The following FKBP9 variants were observed in gnomAD, a reference collection of about 807,000 sequenced individuals.
The protein encoded by FKBP9 is peptidyl-prolyl cis-trans isomerase FKBP9.
In FKBP9, 27 loss-of-function variants were observed where a neutral mutation model predicts 55.6. That is an observed-to-expected ratio of 0.49 (90% CI 0.36 to 0.67). The LOEUF (loss-of-function observed/expected upper bound fraction) is 0.67. Among genes scored for constraint, FKBP9 ranks in the 30% least tolerant of loss-of-function variants. The pLI is 0.00. For synonymous variants in FKBP9, 267 were observed against 296.5 expected (o/e 0.90, Z 1.02); for missense variants, 539 against 742.8 (o/e 0.73, Z 3.19).
intron 1 of FKBP9, 152 bp from the exon 2 acceptor site, chr7:32,974,465 T>G (rs1784320830): frequency 1.2e-5 from 7 of 604,782 alleles, no homozygotes; most frequent in Non-Finnish European, 2.1e-5. Context: ...TACTGTCCAG[T>G]GGAGATGTTC....
chr7:32,965,836 T>TGTGTACAC (rs1784132368), intron 1 of FKBP9, among the ~76,000 whole-genome samples: 5 of 54,362 alleles, frequency 9.2e-5, no homozygotes, highest in Non-Finnish European at 1.0e-4. Context: ...TATATATATA[T>TGTGTACAC]ATATATATGT....
In FKBP9 at chr7:33,000,243, A is replaced by G. The variant is rs762324524; in HGVS notation, c.1355A>G (p.Tyr452Cys). The G allele has an allele frequency of 6.8e-6, 11 of 1,611,530 alleles. No homozygotes were observed. The highest frequency in any genetic ancestry group is 8.5e-6 in the Non-Finnish European group (10 of 1,178,166). Residue 452 changes from tyrosine to cysteine, a missense_variant, in exon 8 of 10, where the codon TAT (tyrosine) becomes TGT (cysteine). This residue lies in a region of FKBP9 where 102 missense variants were observed against 200.7 expected (regional missense o/e 0.51). Coordinates refer to ENST00000242209, the MANE Select transcript of FKBP9 (RefSeq NM_007270.5). The stretch of plus-strand genomic sequence containing the variant: ...GTGATCATTCCGCCTCACCTGGGCT[A>G]TGGGGAAGCTGGCGTGGGTGAGTAA... The part of the protein sequence containing the change: ...RTVIIPPHLG[Y>C]GEAGVDGEVP...
chr7:33,005,038 C>T (rs1256304030), intron 9 of FKBP9, 137 bp from the exon 10 acceptor site: 4 of 1,422,480 alleles, frequency 2.8e-6, no homozygotes, highest in Non-Finnish European at 3.8e-6. Context: ...CATATAGCTG[C>T]CAAAAAGATC....
intron 1 of FKBP9, among the ~76,000 whole-genome samples, chr7:32,971,860 G>T (rs375452841): frequency 2.0e-5 from 3 of 152,226 alleles, no homozygotes; most frequent in African/African-American, 2.4e-5. Flanking sequence ...CCACCTTGAA[G>T]TATTGTATGA....
chr7:32,995,143 T>A (rs1292999965), intron 6 of FKBP9: 1 of 152,018 alleles, frequency 6.6e-6, no homozygotes, highest in Non-Finnish European at 1.5e-5. Flanking sequence ...GCTAATTTTT[T>A]TGTAGAGACA....
At chr7:32,972,752 C>G (rs1583847086) in intron 1 of FKBP9, among the ~76,000 whole-genome samples, 1 of 152,110 alleles carries the variant, frequency 6.6e-6, no homozygotes, top group East Asian at 1.9e-4. Context: ...AAGTTTCACT[C>G]TGTCACCCAG....
chr7:32,957,710 A>T lies in FKBP9; in HGVS notation c.137A>T (p.Glu46Val), dbSNP rs754872093. The T allele has an allele frequency of 1.9e-6, 3 of 1,544,432 alleles. No individual in the cohort carries two copies. Among genetic ancestry groups the T allele is most frequent in the Non-Finnish European group, 2.6e-6 (3 of 1,154,150 alleles). Residue 46 changes from glutamate to valine, a missense_variant, in exon 1 of 10, where the codon GAG becomes GTG. By Grantham distance (121) the Glu-to-Val change is moderately radical (BLOSUM62 -2). This residue lies in a region of FKBP9 where 236 missense variants were observed against 271.5 expected (regional missense o/e 0.87). Transcript: ENST00000242209. ...LQIERRFVPD[E>V]CPRTVRSGDF... ...ATCGAGCGGCGCTTCGTGCCCGACG[A>T]GTGCCCGCGCACCGTGCGCAGCGGC...
At chr7:32,992,126 CTTG>C (rs1784695738) in intron 6 of FKBP9, among the ~76,000 whole-genome samples, 1 of 152,068 alleles carries the variant, frequency 6.6e-6, no homozygotes, top group African/African-American at 2.4e-5. Context: ...TAGGTAGTGA[CTTG>C]TTGATACCCA....
intron 1 of FKBP9, among the ~76,000 whole-genome samples, chr7:32,965,866 T>TATGTGTAC (rs70989913): frequency 1.0e-5 from 1 of 97,520 alleles, no homozygotes; most frequent in Non-Finnish European, 1.9e-5. Context: ...TATATATATA[T>TATGTGTAC]ACATACATAT....
chr7:32,966,113 A>G (rs1784141875), intron 1 of FKBP9, among the ~76,000 whole-genome samples: 1 of 144,518 alleles, frequency 6.9e-6, no homozygotes, highest in Non-Finnish European at 1.5e-5. Flanking sequence ...GAATTGCTTG[A>G]ACATGAGAAG....
rs1325814906 is a variant in FKBP9, at chr7:32,957,649, C to T, written c.76C>T (p.Pro26Ser). The change falls in exon 1 of 10, where the codon CCC becomes TCC. Residue 26 changes from proline (P) to serine (S), a missense_variant. Transcript: ENST00000242209. The stretch of plus-strand genomic sequence containing the variant: ...GCTCTGGGTGACCGGGCAGGCAGCG[C>T]CCGTGGCGGGCCTGGGCTCCGACGC... ...LLLWVTGQAAPVAGLGSDAEL... is the reference protein window; with the variant it reads ...LLLWVTGQAASVAGLGSDAEL... The T allele has an allele frequency of 6.6e-7, 1 of 1,503,822 alleles. No individual in the cohort carries two copies. The allele number at this position is 1,503,822 out of a possible 1,614,324, so 93.2% of individuals were successfully genotyped here. A position where few individuals can be genotyped will look rare whatever the true frequency, so the allele number is the denominator to read the frequency against.
chr7:33,005,909 A>T lies in FKBP9; in HGVS notation c.*558A>T, dbSNP rs1785030335. 1 of 232,436 alleles carries T rather than the reference A, an allele frequency of 4.3e-6. No individual in the cohort carries two copies. The highest frequency in any genetic ancestry group is 5.6e-5 in the Admixed American group (1 of 17,812). 14.4% of individuals were successfully genotyped at this position (232,436 alleles called of 1,614,324 possible). ...CCCACCCCCGCACACGCACACGCAC[A>T]TCATGCTTTTCCAGCTCATCACACC... is the stretch of plus-strand genomic sequence containing the variant. On this transcript the variant is annotated 3_prime_UTR_variant, in exon 10 of 10. Transcript: ENST00000242209.
rs573563284 is a variant in FKBP9, at chr7:32,960,515, G to A, written c.221+2721G>A. Among the ~76,000 whole-genome samples, 7 of 152,308 alleles carry A rather than the reference G, an allele frequency of 4.6e-5. No homozygotes were observed. The South Asian group carries it at 1.0e-3, about 23-fold the overall frequency. On this transcript the variant is annotated intron_variant, in intron 1 of 9. Transcript: ENST00000242209. Reference sequence around the variant, plus strand: ...GCTAACGATGTTGAGCATCATATGCGTATTGACCATTTGTGTATCTTCTTT... The same window carrying A: ...GCTAACGATGTTGAGCATCATATGCATATTGACCATTTGTGTATCTTCTTT...
chr7:32,977,738 G>T (rs987980838), intron 4 of FKBP9, among the ~76,000 whole-genome samples: 5 of 150,386 alleles, frequency 3.3e-5, no homozygotes, highest in African/African-American at 1.2e-4. Context: ...AGCAGGAGCA[G>T]AAGGGAGCCT....
chr7:32,977,756 T>A (rs569381665), intron 4 of FKBP9, among the ~76,000 whole-genome samples: 2 of 149,372 alleles, frequency 1.3e-5, no homozygotes. Context: ...CCTGAGGTGA[T>A]GGGGCTCAGC....
At chr7:33,003,962 C>A (rs1417218928) in intron 9 of FKBP9, among the ~76,000 whole-genome samples, 1 of 151,892 alleles carries the variant, frequency 6.6e-6, no homozygotes, top group African/African-American at 2.4e-5. Flanking sequence ...ATTTATGGAA[C>A]CCCTGCTATC....
intron 4 of FKBP9, among the ~76,000 whole-genome samples, chr7:32,980,104 G>A (rs1784445928): frequency 6.6e-6 from 1 of 152,134 alleles, no homozygotes; most frequent in Admixed American, 6.6e-5. Context: ...TGATTTTCCA[G>A]CATGAGTCCA....
chr7:32,996,042 G>C, intron 6 of FKBP9, 121 bp from the exon 7 acceptor site: 1 of 743,382 alleles, frequency 1.3e-6, no homozygotes, highest in South Asian at 1.7e-5. Context: ...CTAGGGTTCT[G>C]TATCTGGGTG....
chr7:32,959,355 A>G (rs1034740371), intron 1 of FKBP9, among the ~76,000 whole-genome samples: 3 of 152,264 alleles, frequency 2.0e-5, no homozygotes, highest in African/African-American at 7.2e-5. Flanking sequence ...CAGTGAGCCG[A>G]GACGTGCCAC....
Sources: allele counts gnomAD v4.1 joint callset (sites outside exome capture counted in the v4.1 genomes callset), GRCh38; gene constraint gnomAD v4.1.1; regional missense constraint gnomAD v4.1.1; transcripts MANE v1.5; gene names NCBI Gene and HGNC (gene_info 2026-07-23, HGNC 2026-07-21).